The following PHACTR1 variants were observed in gnomAD, a reference collection of about 807,000 sequenced individuals.
The protein encoded by PHACTR1 is RPEL repeat containing 1.
Under a neutral mutation model 69.2 loss-of-function variants are expected in PHACTR1, and 16 were observed. That is an observed-to-expected ratio of 0.23 (90% CI 0.16 to 0.35). The LOEUF is 0.35. PHACTR1 is among the 10% of genes least tolerant of loss of function. The pLI, the probability that PHACTR1 is intolerant of heterozygous loss-of-function variation, is 1.00. For missense variants in PHACTR1, 510 were observed against 734.7 expected (o/e 0.69, Z 3.54); for synonymous variants, 312 against 284.5 (o/e 1.10, Z -0.97).
intron 4 of PHACTR1, among the ~76,000 whole-genome samples, chr6:12,834,364 C>T (rs899549748): frequency 6.6e-6 from 1 of 152,222 alleles, no homozygotes; most frequent in East Asian, 1.9e-4. Context: ...ACCTTCTTCC[C>T]TGGGGAGTTT....
At chr6:13,168,102 G>A (rs1278724673) in intron 6 of PHACTR1, among the ~76,000 whole-genome samples, 1 of 152,122 alleles carries the variant, frequency 6.6e-6, no homozygotes, top group Admixed American at 6.5e-5. Flanking sequence ...TGTTTCTGAC[G>A]TCTCACCTAG....
intron 4 of PHACTR1, among the ~76,000 whole-genome samples, chr6:12,975,235 A>G (rs1185574196): frequency 1.3e-5 from 2 of 152,216 alleles, no homozygotes; most frequent in African/African-American, 4.8e-5. Flanking sequence ...ATTACAAGGC[A>G]TTGTTCTGCA....
At chr6:13,184,726 T>C (rs1329465997) in intron 7 of PHACTR1, 12 of 1,205,752 alleles carry the variant, frequency 1.0e-5, no homozygotes, top group Non-Finnish European at 1.3e-5. Flanking sequence ...GTCCCTGTCC[T>C]GTGTTCCCCG....
intron 4 of PHACTR1, among the ~76,000 whole-genome samples, chr6:12,898,311 G>C (rs1284868799): frequency 6.6e-6 from 1 of 151,918 alleles, no homozygotes; most frequent in Non-Finnish European, 1.5e-5. Context: ...TCCAAATACC[G>C]ACGGGAGCTG....
chr6:12,891,182 TGGG>T (rs892700983), intron 4 of PHACTR1, among the ~76,000 whole-genome samples: 9 of 152,178 alleles, frequency 5.9e-5, no homozygotes, highest in Non-Finnish European at 1.0e-4. Context: ...CAATTTTTCT[TGGG>T]GGGATAATAT....
At chr6:12,993,390 C>A (rs940998272) in intron 4 of PHACTR1, among the ~76,000 whole-genome samples, 1 of 152,114 alleles carries the variant, frequency 6.6e-6, no homozygotes, top group East Asian at 1.9e-4. Context: ...TTGAGAGAGA[C>A]AAACACGTAA....
At chr6:12,734,500 T>A (rs1763986918) in intron 3 of PHACTR1, among the ~76,000 whole-genome samples, 1 of 152,170 alleles carries the variant, frequency 6.6e-6, no homozygotes, top group Non-Finnish European at 1.5e-5. Context: ...CTGCATGAAA[T>A]CATGTAACTA....
intron 5 of PHACTR1, among the ~76,000 whole-genome samples, chr6:13,146,813 A>C (rs932409051): frequency 3.3e-5 from 5 of 152,226 alleles, no homozygotes; most frequent in South Asian, 2.1e-4. Context: ...CCACTTCACT[A>C]GCTCTGAATC....
At chr6:13,216,481 A>G (rs759927999) in intron 8 of PHACTR1, among the ~76,000 whole-genome samples, 7 of 152,208 alleles carry the variant, frequency 4.6e-5, no homozygotes, top group Non-Finnish European at 7.3e-5. Flanking sequence ...TTGCTTGTGA[A>G]GTGGTGTTGC....
intron 4 of PHACTR1, among the ~76,000 whole-genome samples, chr6:12,908,163 G>A (rs1785955739): frequency 6.6e-6 from 1 of 152,200 alleles, no homozygotes. Flanking sequence ...CATCAACCAA[G>A]AATCGCACCT....
rs541318425 is a variant in PHACTR1 at position 13,227,288 on chromosome 6, C to T, written c.987-528C>T. ...CTCCAGCCACAGCATTTCAGTCTTTCACACACTCAGTCCCTATTAGTCGCC... is the reference window on the plus strand; with the variant it reads ...CTCCAGCCACAGCATTTCAGTCTTTTACACACTCAGTCCCTATTAGTCGCC... On this transcript the variant is annotated intron_variant, in intron 8 of 14. Transcript: ENST00000332995. 2.6e-5 allele frequency among the ~76,000 whole-genome samples: 4 copies of T among 152,330 alleles called. No individual in the cohort carries two copies. The South Asian group carries it at 8.3e-4, about 32-fold the overall frequency.
chr6:13,222,831 G>C (rs1277816854), intron 8 of PHACTR1, among the ~76,000 whole-genome samples: 2 of 152,196 alleles, frequency 1.3e-5, no homozygotes. Context: ...AACCCTCAAA[G>C]CAATGAATTA....
intron 4 of PHACTR1, among the ~76,000 whole-genome samples, chr6:12,887,044 C>A (rs528396632): frequency 3.9e-5 from 6 of 152,060 alleles, no homozygotes; most frequent in Non-Finnish European, 8.8e-5. Context: ...TTGTCCTCCA[C>A]CCCCTCCTCC....
chr6:13,158,340 C>G (rs968531373), intron 5 of PHACTR1, among the ~76,000 whole-genome samples: 8 of 152,078 alleles, frequency 5.3e-5, no homozygotes, highest in African/African-American at 1.9e-4. Flanking sequence ...ACTCTTGAAC[C>G]CCCACACAAA....
intron 4 of PHACTR1, among the ~76,000 whole-genome samples, chr6:12,984,624 C>T (rs1795902626): frequency 1.3e-5 from 2 of 152,216 alleles, no homozygotes; most frequent in South Asian, 4.1e-4. Flanking sequence ...TATATGGTCA[C>T]CACTTTCGAT....
Position 13,257,614 on chromosome 6 carries a change from A to G in PHACTR1, c.1392-15246A>G, listed in dbSNP as rs972712331. On this transcript the variant is annotated intron_variant, in intron 10 of 14. Coordinates refer to ENST00000332995, the MANE Select transcript of PHACTR1 (RefSeq NM_030948.6). ...TCTTCTTACTTCCACAGGATAGAAC[A>G]CAAATCTCACGTTTTCCCTTGTAGA... Among the ~76,000 whole-genome samples the G allele has an allele frequency of 4.6e-5, 7 of 152,352 alleles. No individual in the cohort carries two copies. The East Asian group carries it at 1.3e-3, about 29-fold the overall frequency.
At chr6:12,791,443 C>T (rs755512055) in intron 4 of PHACTR1, among the ~76,000 whole-genome samples, 5 of 152,200 alleles carry the variant, frequency 3.3e-5, no homozygotes, top group Middle Eastern at 3.4e-3. Flanking sequence ...ATGAAACGAC[C>T]GGAACAAAGC....
intron 4 of PHACTR1, among the ~76,000 whole-genome samples, chr6:12,827,861 T>C (rs534718800): frequency 6.6e-6 from 1 of 150,402 alleles, no homozygotes; most frequent in Non-Finnish European, 1.5e-5. Flanking sequence ...AGAGCTTTCT[T>C]TTCTGTCTTA....
intron 4 of PHACTR1, among the ~76,000 whole-genome samples, chr6:12,775,883 T>C (rs1038467525): frequency 1.3e-5 from 2 of 152,124 alleles, no homozygotes; most frequent in African/African-American, 4.8e-5. Flanking sequence ...ATTATATACA[T>C]AAATTAATAA....
Sources: gnomAD v4.1 joint callset for allele counts (sites outside exome capture counted in the v4.1 genomes callset) on GRCh38, gnomAD v4.1.1 for gene constraint, MANE v1.5 for transcripts, NCBI Gene and HGNC (gene_info 2026-07-23, HGNC 2026-07-21) for gene names.